STK39: variants seen among roughly 807,000 people sequenced by gnomAD.
The protein encoded by STK39 is serine/threonine kinase 39.
In STK39, 20 loss-of-function variants were observed where a neutral mutation model predicts 77.8. That is an observed-to-expected ratio of 0.26 (90% confidence interval 0.18 to 0.37). The LOEUF (loss-of-function observed/expected upper bound fraction) is 0.37. Ranked by LOEUF, STK39 falls within the 10% of genes least tolerant of loss-of-function variation. The probability of loss-of-function intolerance (pLI) is 1.00; values close to 1 mark genes in which losing one functional copy is unlikely to be tolerated. For missense variants in STK39, 479 were observed against 656.5 expected, an observed-to-expected ratio of 0.73 and a Z score of 2.95; for synonymous variants, 246 against 234.1, an observed-to-expected ratio of 1.05 and a Z score of -0.47.
intron 5 of STK39, among the ~76,000 whole-genome samples, chr2:168,144,543 C>A (rs946952811): frequency 2.0e-5 from 3 of 151,948 alleles, no homozygotes; most frequent in African/African-American, 7.3e-5. Flanking sequence ...TGAGCTCAAG[C>A]GATCCTCCTG....
intron 10 of STK39, among the ~76,000 whole-genome samples, chr2:168,079,405 TATCCAATCCACACTTGAA>T (rs1428523108): frequency 2.6e-5 from 4 of 152,198 alleles, no homozygotes; most frequent in African/African-American, 4.8e-5. Context: ...TGAACCTTCC[TATCCAATCCACACTTGAA>T]AAGCAAGCCC....
At chr2:168,110,441 T>C (rs542150897) in intron 10 of STK39, among the ~76,000 whole-genome samples, 12 of 152,218 alleles carry the variant, frequency 7.9e-5, no homozygotes, top group African/African-American at 2.2e-4. Context: ...TCTCGCTATG[T>C]TGCCCAGGGT....
chr2:168,033,316 A>G (rs1684873517), intron 14 of STK39, among the ~76,000 whole-genome samples: 1 of 152,218 alleles, frequency 6.6e-6, no homozygotes, highest in Non-Finnish European at 1.5e-5. Flanking sequence ...GCTATGCTCA[A>G]TAGAGGAAAT....
intron 1 of STK39, among the ~76,000 whole-genome samples, chr2:168,211,729 T>C (rs1261285385): frequency 6.6e-6 from 1 of 152,236 alleles, no homozygotes; most frequent in East Asian, 1.9e-4. Context: ...GAATCTGTAC[T>C]AGTCACTGTG....
At chr2:167,956,716 T>A (rs1338312971) in intron 17 of STK39, among the ~76,000 whole-genome samples, 42 of 56,786 alleles carry the variant, frequency 7.4e-4, no homozygotes, top group Non-Finnish European at 1.2e-3. Context: ...TCTCTCTCTC[T>A]CTCTCTCTCT....
chr2:168,221,909 G>C (rs997106087), intron 1 of STK39, among the ~76,000 whole-genome samples: 2 of 152,062 alleles, frequency 1.3e-5, no homozygotes, highest in African/African-American at 4.8e-5. Flanking sequence ...AGTTGCTCAG[G>C]TCTTTCTAAA....
intron 16 of STK39, among the ~76,000 whole-genome samples, chr2:167,989,697 G>A (rs1683648855): frequency 6.6e-6 from 1 of 152,048 alleles, no homozygotes; most frequent in African/African-American, 2.4e-5. Context: ...AATAAGAGAT[G>A]TTTTTCCTAG....
intron 1 of STK39, among the ~76,000 whole-genome samples, chr2:168,236,807 T>C (rs1690623377): frequency 6.6e-6 from 1 of 152,104 alleles, no homozygotes; most frequent in South Asian, 2.1e-4. Flanking sequence ...CATTGGTCTA[T>C]ATCTCTGTTT....
chr2:168,106,977 G>A (rs571594443), intron 10 of STK39, among the ~76,000 whole-genome samples: 62 of 152,286 alleles, frequency 4.1e-4, no homozygotes, highest in Admixed American at 1.1e-3. Context: ...AAAATGTTTT[G>A]AAGATTGCTA....
chr2:168,223,842 C>T (rs1404304883), intron 1 of STK39, among the ~76,000 whole-genome samples: 1 of 152,118 alleles, frequency 6.6e-6, no homozygotes, highest in Non-Finnish European at 1.5e-5. Context: ...TCAGAATTAT[C>T]TGGTCGACTT....
intron 14 of STK39, among the ~76,000 whole-genome samples, chr2:168,022,791 T>C (rs1684601865): frequency 6.6e-6 from 1 of 152,024 alleles, no homozygotes; most frequent in Non-Finnish European, 1.5e-5. Flanking sequence ...GTCAAATAAA[T>C]GATACACAGA....
At chr2:168,109,571 C>A (rs1029724129) in intron 10 of STK39, among the ~76,000 whole-genome samples, 1 of 152,142 alleles carries the variant, frequency 6.6e-6, no homozygotes, top group African/African-American at 2.4e-5. Context: ...GATATGGATT[C>A]TCGAAGCGTA....
intron 10 of STK39, among the ~76,000 whole-genome samples, chr2:168,124,819 CT>C (rs1294258100): frequency 6.6e-6 from 1 of 152,138 alleles, no homozygotes; most frequent in Non-Finnish European, 1.5e-5. Flanking sequence ...TTAAATGTTC[CT>C]GTAGAAGATG....
intron 10 of STK39, among the ~76,000 whole-genome samples, chr2:168,125,878 A>G (rs921782515): frequency 6.6e-6 from 1 of 152,174 alleles, no homozygotes; most frequent in African/African-American, 2.4e-5. Context: ...ATTTTGGCCA[A>G]ACATGAGTAT....
chr2:167,965,246 G>A (rs192087263), intron 16 of STK39, among the ~76,000 whole-genome samples: 19 of 152,314 alleles, frequency 1.2e-4, no homozygotes, highest in Admixed American at 1.2e-3. Flanking sequence ...ACAAAATACA[G>A]TGGATAACCT....
intron 16 of STK39, among the ~76,000 whole-genome samples, chr2:167,970,052 C>T (rs1692287402): frequency 6.6e-6 from 1 of 152,136 alleles, no homozygotes; most frequent in Non-Finnish European, 1.5e-5. Context: ...ACCTGCCATT[C>T]CCTCTCCCGG....
chr2:168,176,782 C>A (rs1482901091), intron 2 of STK39, among the ~76,000 whole-genome samples: 1 of 152,058 alleles, frequency 6.6e-6, no homozygotes, highest in Non-Finnish European at 1.5e-5. Flanking sequence ...AAATGATACA[C>A]TGTGTACCCA....
intron 1 of STK39, among the ~76,000 whole-genome samples, chr2:168,194,129 T>C (rs1689412375): frequency 6.6e-6 from 1 of 152,092 alleles, no homozygotes; most frequent in East Asian, 1.9e-4. Flanking sequence ...AAAATGAAGA[T>C]TTGGCCTAGC....
At chr2:168,036,954 C>T (rs1277248594) in intron 14 of STK39, among the ~76,000 whole-genome samples, 2 of 152,150 alleles carry the variant, frequency 1.3e-5, no homozygotes, top group African/African-American at 4.8e-5. Flanking sequence ...AGAACAAATA[C>T]GTTCAGAATA....
Sources: gnomAD v4.1 joint callset for allele counts (sites outside exome capture counted in the v4.1 genomes callset) on GRCh38, gnomAD v4.1.1 for gene constraint, MANE v1.5 for transcripts, NCBI Gene and HGNC (gene_info 2026-07-23, HGNC 2026-07-21) for gene names.